ITM2B: variants seen among roughly 807,000 people sequenced by gnomAD.
ITM2B encodes the protein ABri/ADan amyloid peptide.
A neutral mutation model predicts 27.8 loss-of-function variants in ITM2B; 11 were observed. The observed-to-expected ratio is 0.40, with a 90% CI of 0.25 to 0.66. ITM2B has a LOEUF of 0.66. Among genes scored for constraint, ITM2B ranks in the 30% least tolerant of loss-of-function variants. The pLI is 0.43. For missense variants in ITM2B, 296 were observed against 328.9 expected, an observed-to-expected ratio of 0.90 and a Z score of 0.77; for synonymous variants, 114 against 114.3, an observed-to-expected ratio of 1.00 and a Z score of 0.02.
chr13:48,245,525 C>T (rs939407407), intron 1 of ITM2B, among the ~76,000 whole-genome samples: 1 of 150,354 alleles, frequency 6.7e-6, no homozygotes, highest in African/African-American at 2.4e-5. Context: ...AAATGCATTG[C>T]GTTGATAATC....
At chr13:48,234,734 T>G (rs890788344) in intron 1 of ITM2B, among the ~76,000 whole-genome samples, 1 of 152,172 alleles carries the variant, frequency 6.6e-6, no homozygotes, top group African/African-American at 2.4e-5. Flanking sequence ...ACGTCAGAGG[T>G]TGATTTCTAA....
chr13:48,254,282 A>G (rs767841605), intron 2 of ITM2B, among the ~76,000 whole-genome samples: 1 of 152,194 alleles, frequency 6.6e-6, no homozygotes, highest in South Asian at 2.1e-4. Context: ...TCAGCCACAA[A>G]TGTTTTCATG....
In ITM2B at chr13:48,257,588, CACTT is replaced by C. The variant is rs576618653; in HGVS notation, c.454-534_454-531del. 6.6e-3 allele frequency among the ~76,000 whole-genome samples: 999 copies of C among 152,222 alleles called. 12 individuals are homozygous for C. The highest frequency in any genetic ancestry group is 0.023 in the African/African-American group (950 of 41,490). On this transcript the variant is annotated intron_variant, in intron 3 of 5. Coordinates refer to ENST00000647800, the MANE Select transcript of ITM2B (RefSeq NM_021999.5). ...GCAAATAGTAAATAATAATAGTTAA[CACTT>C]ACTGAGCTCTTAGGAATCAAAATGT...
intron 1 of ITM2B, among the ~76,000 whole-genome samples, chr13:48,240,943 T>C (rs1951696489): frequency 6.6e-6 from 1 of 152,244 alleles, no homozygotes; most frequent in Non-Finnish European, 1.5e-5. Flanking sequence ...AGGTAACCAC[T>C]ATTCTAATTT....
At chr13:48,233,553 C>T (rs1020191614) in intron 1 of ITM2B, 76 bp downstream of exon 1, 25 of 979,502 alleles carry the variant, frequency 2.6e-5, no homozygotes, top group African/African-American at 5.2e-5. Flanking sequence ...AGCGGCAGTG[C>T]GCCCCGAGGT....
intron 1 of ITM2B, among the ~76,000 whole-genome samples, chr13:48,251,890 TAA>T (rs1951758134): frequency 6.6e-6 from 1 of 152,248 alleles, no homozygotes; most frequent in Admixed American, 6.5e-5. Context: ...TAAAGTTTCA[TAA>T]TACCTTATGA....
At chr13:48,261,005 A>ATGTT in intron 5 of ITM2B, 134 bp from the exon 6 acceptor site, 1 of 665,186 alleles carries the variant, frequency 1.5e-6, no homozygotes, top group South Asian at 1.8e-5. Context: ...CAGTGTAAAC[A>ATGTT]TTCAAACTGT....
Position 48,266,900 on chromosome 13 carries a change from G to A in ITM2B, c.*5676G>A, listed in dbSNP as rs1390011736. 6.6e-6 allele frequency: 1 copy of A among 152,090 alleles called. No homozygotes were observed. The highest frequency in any genetic ancestry group is 1.5e-5 in the Non-Finnish European group (1 of 68,008). The allele number at this position is 152,090 out of a possible 1,614,324, so 9.4% of individuals were successfully genotyped here. On this transcript the variant is annotated 3_prime_UTR_variant, in exon 6 of 6. Coordinates refer to ENST00000647800, the MANE Select transcript of ITM2B (RefSeq NM_021999.5). ...CTTCCATAATGCCACCTTCTTCTAG[G>A]ATAGTATTTTTGGGCCAGATGGTTT...
At chr13:48,255,230 A>AGTGT (rs57255200) in intron 2 of ITM2B, among the ~76,000 whole-genome samples, 65 of 149,702 alleles carry the variant, frequency 4.3e-4, no homozygotes, top group Non-Finnish European at 7.9e-4. Flanking sequence ...TAGTGTGTGT[A>AGTGT]GTGTGTGTGT....
intron 1 of ITM2B, among the ~76,000 whole-genome samples, chr13:48,235,952 A>G (rs1418349983): frequency 1.3e-5 from 2 of 152,232 alleles, no homozygotes; most frequent in African/African-American, 4.8e-5. Flanking sequence ...CACTCTAATC[A>G]GCTGGCTTAT....
chr13:48,253,229 C>T (rs921510353), intron 1 of ITM2B, among the ~76,000 whole-genome samples: 2 of 151,942 alleles, frequency 1.3e-5, no homozygotes, highest in Non-Finnish European at 2.9e-5. Flanking sequence ...ATAATTTTGT[C>T]CTATTTTTTG....
chr13:48,237,100 G>A (rs916814373), intron 1 of ITM2B, among the ~76,000 whole-genome samples: 4 of 152,234 alleles, frequency 2.6e-5, no homozygotes, highest in African/African-American at 4.8e-5. Context: ...TAAGCTTTTC[G>A]TTTGTGGTGG....
intron 2 of ITM2B, among the ~76,000 whole-genome samples, chr13:48,255,521 C>T (rs1311519348): frequency 1.3e-5 from 2 of 152,146 alleles, no homozygotes; most frequent in African/African-American, 4.8e-5. Flanking sequence ...TCTTGAACTC[C>T]TGGGCTCAAG....
At chr13:48,244,206 A>G (rs1951713845) in intron 1 of ITM2B, among the ~76,000 whole-genome samples, 1 of 152,138 alleles carries the variant, frequency 6.6e-6, no homozygotes, top group Non-Finnish European at 1.5e-5. Context: ...ATTGCTAAAC[A>G]CCCCAGCTTT....
At chr13:48,236,312 G>A (rs865957098) in intron 1 of ITM2B, among the ~76,000 whole-genome samples, 50 of 152,244 alleles carry the variant, frequency 3.3e-4, no homozygotes, top group Admixed American at 2.4e-3. Context: ...TATTTTTGTG[G>A]CAATACTTTG....
rs371767507 is a variant in ITM2B at position 48,242,025 on chromosome 13, A to T, written c.117+8548A>T. ...TGTTTTCATTTGTTTTATTTTTTGC[A>T]GTTTTAGATAATACCTATTGATAAT... is the stretch of plus-strand genomic sequence containing the variant. On this transcript the variant is annotated intron_variant, in intron 1 of 5. Coordinates refer to ENST00000647800, the MANE Select transcript of ITM2B (RefSeq NM_021999.5). Among the ~76,000 whole-genome samples, 67 of 152,184 alleles carry T rather than the reference A, an allele frequency of 4.4e-4. 2 individuals carry two copies. In the South Asian group the frequency reaches 0.013, roughly 29 times the overall value.
chr13:48,255,428 A>G (rs2248488), intron 2 of ITM2B, among the ~76,000 whole-genome samples: 52,058 of 151,678 alleles, frequency 0.34, 9,844 homozygotes, highest in African/African-American at 0.52. Flanking sequence ...AGGAGTAGCT[A>G]GGACTACAGG....
In ITM2B at chr13:48,260,068, A is replaced by G. The variant is rs534553786; in HGVS notation, c.716-1071A>G. ...CTGTGTCCATGTGTTCTTATTGTTC[A>G]CCTCCCACTTATGAGTGAGAAGATG... On this transcript the variant is annotated intron_variant, in intron 5 of 5. Transcript: ENST00000647800. Among the ~76,000 whole-genome samples the G allele has an allele frequency of 1.8e-4, 27 of 151,270 alleles. 1 individual carries two copies. The highest frequency in any genetic ancestry group is 6.3e-4 in the African/African-American group (26 of 41,210).
At chr13:48,233,639 C>G (rs184938013) in intron 1 of ITM2B, among the ~76,000 whole-genome samples, 162 bp downstream of exon 1, 1 of 152,160 alleles carries the variant, frequency 6.6e-6, no homozygotes, top group African/African-American at 2.4e-5. Context: ...GGGTCCGCAG[C>G]TCCTTTGTAA....
Sources: allele counts gnomAD v4.1 joint callset (sites outside exome capture counted in the v4.1 genomes callset), GRCh38; gene constraint gnomAD v4.1.1; transcripts MANE v1.5; gene names NCBI Gene and HGNC (gene_info 2026-07-23, HGNC 2026-07-21).